The following ABI3BP variants were observed in gnomAD, a reference collection of about 807,000 sequenced individuals.
ABI3BP encodes target of Nesh-SH3.
Under a neutral mutation model 268.6 loss-of-function variants are expected in ABI3BP, and 216 were observed. The observed-to-expected ratio is 0.80, with a 90% CI of 0.72 to 0.90. The LOEUF is 0.90. Among genes scored for constraint, ABI3BP ranks in the 40% least tolerant of loss-of-function variants. The pLI is 0.00. For synonymous variants in ABI3BP, 730 were observed against 730.0 expected, an observed-to-expected ratio of 1.00 and a Z score of 0.00; for missense variants, 2,090 against 2,182.4, an observed-to-expected ratio of 0.96 and a Z score of 0.84.
chr3:100,878,018 C>T (rs1297551827), intron 6 of ABI3BP, among the ~76,000 whole-genome samples: 1 of 152,084 alleles, frequency 6.6e-6, no homozygotes, highest in African/African-American at 2.4e-5. Flanking sequence ...TAAAAGTTTA[C>T]TATTATCAGA....
Position 100,775,263 on chromosome 3 carries a change from T to C in ABI3BP, c.4406A>G (p.Glu1469Gly). 2 of 1,610,948 alleles carry C rather than the reference T, an allele frequency of 1.2e-6. No homozygotes were observed. Among genetic ancestry groups the C allele is most frequent in the Non-Finnish European group, 1.7e-6 (2 of 1,178,442 alleles). The change falls in exon 60 of 68, where the codon GAG becomes GGG. Residue 1469 changes from glutamate to glycine, a missense_variant. Glu to Gly is a moderately conservative substitution (Grantham distance 98, BLOSUM62 -2). Transcript: ENST00000471714. Reference sequence around the variant, plus strand: ...TTGCTTTATATCTGTCTCTATTCTCTCCAAGGGAGTTCCAGTAGGCCTGGG... The same window carrying C: ...TTGCTTTATATCTGTCTCTATTCTCCCCAAGGGAGTTCCAGTAGGCCTGGG... ...STPRPTGTPL[E>G]RIETDIKQPT...
At chr3:100,822,558 G>A (rs1462814273) in intron 38 of ABI3BP, 31 bp downstream of exon 38, 1 of 1,526,444 alleles carries the variant, frequency 6.6e-7, no homozygotes, top group South Asian at 1.2e-5. Context: ...TAGGCTGCAG[G>A]GACTCTTTAA....
At position 100,922,482 on chromosome 3, in the gene ABI3BP, T is replaced by G. The variant is rs146485747; in HGVS notation, c.259+3820A>C. 9.2e-5 allele frequency among the ~76,000 whole-genome samples: 14 copies of G among 151,712 alleles called. No individual in the cohort carries two copies. In the East Asian group the frequency reaches 2.3e-3, roughly 25 times the overall value. On this transcript the variant is annotated intron_variant, in intron 2 of 67. Coordinates refer to ENST00000471714, the MANE Select transcript of ABI3BP (RefSeq NM_001375547.2). ...CTACAATCACAAGGGCCCTTAAAAG[T>G]AGAAGAGGAAAGCAAGAAAGGGGGC...
Position 100,885,551 on chromosome 3 carries a change from G to A in ABI3BP, c.681C>T (p.Asp227=), listed in dbSNP as rs1314764666. ...TGTTACATACCACTGTGTGGTCTTG[G>A]TCATAGGTACTTTGGATTTTCCCAT... ...KVNGKIQSTY[D]QDHTVPAYVP... is the part of the protein sequence containing the mutation. The change falls in exon 6 of 68, where the codon GAC becomes GAT. Residue 227 remains aspartate, a synonymous_variant. Coordinates refer to ENST00000471714, the MANE Select transcript of ABI3BP (RefSeq NM_001375547.2). 1.9e-6 allele frequency: 3 copies of A among 1,559,692 alleles called. No homozygotes were observed. Among genetic ancestry groups the A allele is most frequent in the South Asian group, 1.2e-5 (1 of 83,644 alleles).
At chr3:100,840,650 G>C (rs552801437) in intron 22 of ABI3BP, among the ~76,000 whole-genome samples, 170 bp downstream of exon 22, 1 of 152,002 alleles carries the variant, frequency 6.6e-6, no homozygotes, top group Non-Finnish European at 1.5e-5. Context: ...ATGAGATACA[G>C]TTTATAAACT....
intron 57 of ABI3BP, 117 bp from the exon 58 acceptor site, chr3:100,780,326 A>T: frequency 1.1e-6 from 1 of 893,044 alleles, no homozygotes; most frequent in Non-Finnish European, 1.7e-6. Context: ...TGGTGTTTTT[A>T]TGCCAAGACA....
intron 20 of ABI3BP, chr3:100,843,829 T>A (rs1307572381): frequency 1.0e-6 from 1 of 985,174 alleles, no homozygotes; most frequent in African/African-American, 1.7e-5. Flanking sequence ...TGTTTTTGAT[T>A]CTACAAAGTT....
In ABI3BP at chr3:100,854,188, T is replaced by TAAAAA. The variant is rs56306514; in HGVS notation, c.1286-2253_1286-2249dup. Among the ~76,000 whole-genome samples, 413 of 128,912 alleles carry TAAAAA rather than the reference T, an allele frequency of 3.2e-3. 3 individuals are homozygous for TAAAAA. The highest frequency in any genetic ancestry group is 8.4e-3 in the African/African-American group (293 of 34,792). The allele number at this position is 128,912 out of a possible 152,430, so 84.6% of individuals were successfully genotyped here. A position where few individuals can be genotyped will look rare whatever the true frequency, so the allele number is the denominator to read the frequency against. On this transcript the variant is annotated intron_variant, in intron 14 of 67. Transcript: ENST00000471714. ...CAGGAGAGTGAAGCCCTGTCTCTAC[T>TAAAAA]AAAAAAAAAAAAAAAAATACAAAAA...
intron 50 of ABI3BP, 33 bp downstream of exon 50, chr3:100,808,128 C>T: frequency 6.3e-7 from 1 of 1,590,254 alleles, no homozygotes; most frequent in Non-Finnish European, 8.6e-7. Context: ...TAACCTCAAA[C>T]TTTTCAAGCT....
At chr3:100,875,198 G>A (rs1031610199) in intron 8 of ABI3BP, among the ~76,000 whole-genome samples, 3 of 152,164 alleles carry the variant, frequency 2.0e-5, no homozygotes, top group African/African-American at 4.8e-5. Context: ...GATGTGTGGT[G>A]AACAAAGATT....
intron 59 of ABI3BP, among the ~76,000 whole-genome samples, chr3:100,776,979 C>G (rs1317131324): frequency 2.0e-5 from 3 of 152,172 alleles, no homozygotes; most frequent in Admixed American, 6.5e-5. Context: ...GTCACAGCTG[C>G]CCCAGGTTAC....
chr3:100,834,615 T>A, intron 29 of ABI3BP, 69 bp downstream of exon 29: 1 of 1,431,374 alleles, frequency 7.0e-7, no homozygotes, highest in Middle Eastern at 1.7e-4. Flanking sequence ...TAAAGTGGCA[T>A]GTTAAACTGC....
chr3:100,814,462 C>A (rs978207510), intron 44 of ABI3BP, among the ~76,000 whole-genome samples: 2 of 152,050 alleles, frequency 1.3e-5, no homozygotes, highest in Non-Finnish European at 2.9e-5. Context: ...TAATCCAAAT[C>A]CTATAATTAT....
chr3:100,775,460 G>T, intron 59 of ABI3BP, 125 bp from the exon 60 acceptor site: 2 of 1,283,350 alleles, frequency 1.6e-6, no homozygotes, highest in Non-Finnish European at 2.1e-6. Context: ...GACCAGGCTT[G>T]GAGAGAAAAC....
At chr3:100,951,894 T>C (rs1418758647) in intron 1 of ABI3BP, among the ~76,000 whole-genome samples, 1 of 151,772 alleles carries the variant, frequency 6.6e-6, no homozygotes, top group Non-Finnish European at 1.5e-5. Context: ...AAGACATTCT[T>C]AAGGACAAAC....
At chr3:100,869,184 G>A (rs569978236) in intron 9 of ABI3BP, among the ~76,000 whole-genome samples, 1 of 152,028 alleles carries the variant, frequency 6.6e-6, no homozygotes, top group Admixed American at 6.5e-5. Context: ...TTCAAAACAT[G>A]TTCTTAGCTG....
chr3:100,874,663 C>G (rs77823478), intron 9 of ABI3BP, among the ~76,000 whole-genome samples, 178 bp downstream of exon 9: 3 of 152,022 alleles, frequency 2.0e-5, no homozygotes, highest in East Asian at 1.9e-4. Flanking sequence ...ATAAAATAAC[C>G]ATTTTCTTAT....
chr3:100,950,672 C>G (rs1267933016), intron 1 of ABI3BP, among the ~76,000 whole-genome samples: 3 of 151,962 alleles, frequency 2.0e-5, no homozygotes, highest in African/African-American at 7.3e-5. Flanking sequence ...TCTTGCTGGT[C>G]AAACACTCTT....
At chr3:100,778,257 G>T in intron 59 of ABI3BP, 27 bp downstream of exon 59, 1 of 1,603,658 alleles carries the variant, frequency 6.2e-7, no homozygotes, top group Non-Finnish European at 8.5e-7. Flanking sequence ...ATCATGGCGG[G>T]AAAAGGAAGG....
Sources: allele counts gnomAD v4.1 joint callset (sites outside exome capture counted in the v4.1 genomes callset), GRCh38; gene constraint gnomAD v4.1.1; transcripts MANE v1.5; gene names NCBI Gene and HGNC (gene_info 2026-07-23, HGNC 2026-07-21).